SPAG17: variants seen among roughly 807,000 people sequenced by gnomAD.
SPAG17 encodes the protein sperm-associated antigen 17.
SPAG17 carries 169 observed loss-of-function variants against 273.6 expected under a neutral mutation model. The observed-to-expected ratio is 0.62, with a 90% CI of 0.55 to 0.70. SPAG17 has a LOEUF of 0.70. Among genes scored for constraint, SPAG17 ranks in the 30% least tolerant of loss-of-function variants. SPAG17 has a pLI of 0.00. For synonymous variants in SPAG17, 825 were observed against 873.2 expected, an observed-to-expected ratio of 0.94 and a Z score of 0.97; for missense variants, 2,557 against 2,627.8, an observed-to-expected ratio of 0.97 and a Z score of 0.59.
In SPAG17 at chr1:118,060,673, T is replaced by C. The variant is rs778652782; in HGVS notation, c.2541-4759A>G. Among the ~76,000 whole-genome samples the C allele has an allele frequency of 6.5e-4, 99 of 152,168 alleles. 2 individuals carry two copies. Among genetic ancestry groups the C allele is most frequent in the Non-Finnish European group, 2.5e-4 (17 of 68,008 alleles). Reference sequence around the variant, plus strand: ...GCTATTTAGTGTTTTTCATTTCAACTTGACAACTCCCTTTGAGTATTTATT... The same window carrying C: ...GCTATTTAGTGTTTTTCATTTCAACCTGACAACTCCCTTTGAGTATTTATT... On this transcript the variant is annotated intron_variant, in intron 18 of 48. Coordinates refer to ENST00000336338, the MANE Select transcript of SPAG17 (RefSeq NM_206996.4).
intron 31 of SPAG17, among the ~76,000 whole-genome samples, chr1:118,007,489 T>TA (rs1412594536): frequency 1.3e-5 from 2 of 152,148 alleles, no homozygotes; most frequent in Admixed American, 6.5e-5. Context: ...TGGTTGTGTT[T>TA]AAAGGGGAAA....
At chr1:118,074,066 T>C (rs1008583474) in intron 16 of SPAG17, 99 bp from the exon 17 acceptor site, 24 of 751,788 alleles carry the variant, frequency 3.2e-5, no homozygotes, top group South Asian at 1.0e-4. Context: ...CTCCATCTAA[T>C]TGGGGAAATC....
At chr1:117,982,030 T>G (rs1029315139) in intron 42 of SPAG17, among the ~76,000 whole-genome samples, 1 of 152,182 alleles carries the variant, frequency 6.6e-6, no homozygotes, top group African/African-American at 2.4e-5. Flanking sequence ...TAGTGCTGAC[T>G]GCCCAGGCTG....
Position 118,081,654 on chromosome 1 carries a change from C to T in SPAG17, c.1763-12G>A, listed in dbSNP as rs369412574. 47 of 1,607,622 alleles carry T rather than the reference C, an allele frequency of 2.9e-5. No individual in the cohort carries two copies. The highest frequency in any genetic ancestry group is 3.7e-5 in the Non-Finnish European group (43 of 1,174,490). ...CCAGCTCAAGACATCTGTAAGAAAG[C>T]AGAACCAGTGCTGCTGGAAATGTTC... is the stretch of plus-strand genomic sequence containing the variant. On this transcript the variant is annotated splice_polypyrimidine_tract_variant and intron_variant, in intron 13 of 48. Coordinates refer to ENST00000336338, the MANE Select transcript of SPAG17 (RefSeq NM_206996.4).
intron 1 of SPAG17, among the ~76,000 whole-genome samples, chr1:118,155,776 G>A (rs962690317): frequency 1.3e-5 from 2 of 152,320 alleles, no homozygotes; most frequent in South Asian, 2.1e-4. Flanking sequence ...CTGCTGAGAC[G>A]ATAACCTTTT....
At chr1:118,032,709 G>A (rs934652918) in intron 24 of SPAG17, among the ~76,000 whole-genome samples, 21 of 151,572 alleles carry the variant, frequency 1.4e-4, no homozygotes, top group African/African-American at 4.4e-4. Flanking sequence ...CTTGTGCCTC[G>A]GCCTCCTGAG....
At position 118,047,868 on chromosome 1, in the gene SPAG17, G is replaced by A. The variant is rs377504384; in HGVS notation, c.2815-5826C>T. Among the ~76,000 whole-genome samples, 4 of 152,242 alleles carry A rather than the reference G, an allele frequency of 2.6e-5. No homozygotes were observed. The South Asian group carries it at 8.3e-4, about 32-fold the overall frequency. On this transcript the variant is annotated intron_variant, in intron 20 of 48. Coordinates refer to ENST00000336338, the MANE Select transcript of SPAG17 (RefSeq NM_206996.4). ...CCACAGTGCCAGGCCAACCCCTGTGGCACCAGGTTTCAGACCAGCCCGAGG... is the reference window on the plus strand; with the variant it reads ...CCACAGTGCCAGGCCAACCCCTGTGACACCAGGTTTCAGACCAGCCCGAGG...
Position 118,093,141 on chromosome 1 carries a change from T to C in SPAG17, c.1173+15A>G. 6.2e-7 allele frequency: 1 copy of C among 1,606,692 alleles called. No homozygotes were observed. Among genetic ancestry groups the C allele is most frequent in the Non-Finnish European group, 8.5e-7 (1 of 1,176,096 alleles). Reference sequence around the variant, plus strand: ...GAATCATTCATCCCACTAAAGACATTGAGCCCATGCCTACCTCTGAAGTTG... The same window carrying C: ...GAATCATTCATCCCACTAAAGACATCGAGCCCATGCCTACCTCTGAAGTTG... On this transcript the variant is annotated intron_variant, in intron 8 of 48. Transcript: ENST00000336338.
chr1:118,133,358 G>A lies in SPAG17; in HGVS notation c.315+17185C>T, dbSNP rs117146930. Among the ~76,000 whole-genome samples the A allele has an allele frequency of 4.3e-4, 66 of 152,118 alleles. No homozygotes were observed. The East Asian group carries it at 9.5e-3, about 22-fold the overall frequency. Reference sequence around the variant, plus strand: ...CAATCCCCCTTCTGGCACTGTGAGCGGCAAGTGGACGTAAGTGTGGCTGCC... The same window carrying A: ...CAATCCCCCTTCTGGCACTGTGAGCAGCAAGTGGACGTAAGTGTGGCTGCC... On this transcript the variant is annotated intron_variant, in intron 3 of 48. Coordinates refer to ENST00000336338, the MANE Select transcript of SPAG17 (RefSeq NM_206996.4).
chr1:118,125,205 A>C (rs1657644567), intron 3 of SPAG17, among the ~76,000 whole-genome samples: 1 of 150,734 alleles, frequency 6.6e-6, no homozygotes, highest in Middle Eastern at 3.5e-3. Context: ...TTTTTTAAAA[A>C]ATTTGTATTA....
At chr1:117,979,730 G>T (rs1439788425) in intron 43 of SPAG17, among the ~76,000 whole-genome samples, 2 of 152,116 alleles carry the variant, frequency 1.3e-5, no homozygotes, top group Admixed American at 6.5e-5. Context: ...TGCTCAATTT[G>T]TTCTAGCTAC....
intron 13 of SPAG17, among the ~76,000 whole-genome samples, chr1:118,084,435 T>C (rs918180477): frequency 6.6e-6 from 1 of 152,242 alleles, no homozygotes; most frequent in Non-Finnish European, 1.5e-5. Flanking sequence ...TCCTTTCTTA[T>C]AGGTAGTATC....
chr1:117,957,101 C>A, intron 48 of SPAG17: 1 of 1,604,360 alleles, frequency 6.2e-7, no homozygotes, highest in Non-Finnish European at 8.5e-7. Flanking sequence ...TGCTGCCTTT[C>A]TCTTATGTCC....
intron 3 of SPAG17, among the ~76,000 whole-genome samples, chr1:118,121,750 T>G (rs2102273765): frequency 6.6e-6 from 1 of 152,340 alleles, no homozygotes; most frequent in African/African-American, 2.4e-5. Flanking sequence ...GCACAAAATA[T>G]GTGTGTTTGC....
intron 3 of SPAG17, among the ~76,000 whole-genome samples, chr1:118,116,600 G>A (rs891547306): frequency 1.1e-4 from 16 of 152,070 alleles, no homozygotes; most frequent in African/African-American, 3.9e-4. Flanking sequence ...CTTCGCCAAG[G>A]GAAATAGCCG....
At chr1:118,113,969 A>T (rs1420166247) in intron 4 of SPAG17, among the ~76,000 whole-genome samples, 1 of 152,152 alleles carries the variant, frequency 6.6e-6, no homozygotes, top group Non-Finnish European at 1.5e-5. Flanking sequence ...TAAGTGGTAA[A>T]CAAGTAAATT....
intron 2 of SPAG17, among the ~76,000 whole-genome samples, chr1:118,150,878 T>C (rs1361908881): frequency 6.6e-6 from 1 of 152,198 alleles, no homozygotes; most frequent in East Asian, 1.9e-4. Context: ...TGATTCTCTG[T>C]AGCCTTCATT....
At chr1:118,021,283 G>A (rs1445222940) in intron 28 of SPAG17, among the ~76,000 whole-genome samples, 1 of 152,148 alleles carries the variant, frequency 6.6e-6, no homozygotes, top group Non-Finnish European at 1.5e-5. Flanking sequence ...ATATTACTAA[G>A]TGAAAGAACC....
chr1:118,049,292 T>C (rs1194874135), intron 20 of SPAG17, among the ~76,000 whole-genome samples: 1 of 152,188 alleles, frequency 6.6e-6, no homozygotes, highest in Admixed American at 6.5e-5. Context: ...CAGGCCGTTG[T>C]CCCTGGTGAT....
Sources: gnomAD v4.1 joint callset for allele counts (sites outside exome capture counted in the v4.1 genomes callset) on GRCh38, gnomAD v4.1.1 for gene constraint, MANE v1.5 for transcripts, NCBI Gene and HGNC (gene_info 2026-07-23, HGNC 2026-07-21) for gene names.